Variants in TMEM176B observed in about 807,000 individuals in gnomAD.
TMEM176B encodes the protein transmembrane protein 176B.
TMEM176B carries 28 observed loss-of-function variants against 30.3 expected under a neutral mutation model. The ratio of observed to expected loss-of-function variants is 0.92; its 90% CI spans 0.68 to 1.27. The LOEUF (loss-of-function observed/expected upper bound fraction) is 1.27. TMEM176B is among the 50% of genes most tolerant of loss of function. The pLI, the probability that TMEM176B is intolerant of heterozygous loss-of-function variation, is 0.00. For missense variants in TMEM176B, 349 were observed against 327.4 expected, an observed-to-expected ratio of 1.07 and a Z score of -0.51; for synonymous variants, 123 against 130.3, an observed-to-expected ratio of 0.94 and a Z score of 0.38.
chr7:150,792,227 G>A (rs1448106627), intron 5 of TMEM176B, 52 bp from the exon 6 acceptor site: 3 of 1,601,818 alleles, frequency 1.9e-6, no homozygotes, highest in African/African-American at 2.7e-5. Flanking sequence ...CTCCAATGCT[G>A]CCCACATCAC....
intron 2 of TMEM176B, 21 bp downstream of exon 2, chr7:150,796,345 C>A (rs765119876): frequency 1.2e-6 from 2 of 1,611,774 alleles, no homozygotes; most frequent in East Asian, 2.2e-5. Flanking sequence ...GCCCCCCAAC[C>A]CCGCACCACC....
intron 2 of TMEM176B, among the ~76,000 whole-genome samples, chr7:150,794,509 G>A (rs1399849752): frequency 6.6e-6 from 1 of 151,984 alleles, no homozygotes; most frequent in African/African-American, 2.4e-5. Context: ...TTCAAGAAAG[G>A]GCTTGTTTGA....
rs528581977 is a variant in TMEM176B, at chr7:150,796,346, C to G, written c.204+20G>C. 1 of 1,612,370 alleles carries G rather than the reference C, an allele frequency of 6.2e-7. No individual in the cohort carries two copies. Among genetic ancestry groups the G allele is most frequent in the East Asian group, 2.2e-5 (1 of 44,862 alleles). ...CACCTCGTTAACGTGCCCCCCAACC[C>G]CGCACCACCCCAGTCTTACCCCTAG... On this transcript the variant is annotated intron_variant, in intron 2 of 6. Transcript: ENST00000326442.
chr7:150,800,859 C>CG (rs879652023), upstream of TMEM176B: 2,294 of 963,564 alleles, frequency 2.4e-3, 6 homozygotes, highest in Non-Finnish European at 2.7e-3. Flanking sequence ...CGGCGGCCCC[C>CG]GGGCCTCCTT....
At chr7:150,796,731 G>A (rs749133175) in intron 1 of TMEM176B, 157 bp from the exon 2 acceptor site, 2 of 716,308 alleles carry the variant, frequency 2.8e-6, no homozygotes, top group Non-Finnish European at 4.6e-6. Flanking sequence ...GGCTGAGGTG[G>A]GTGGATTACC....
At chr7:150,792,024 C>G (rs780087452) in intron 6 of TMEM176B, 32 bp downstream of exon 6, 3 of 1,611,878 alleles carry the variant, frequency 1.9e-6, no homozygotes, top group Non-Finnish European at 2.5e-6. Flanking sequence ...CCCAGACTCA[C>G]GCTGCCCAGA....
chr7:150,793,505 G>T (rs960829416), intron 4 of TMEM176B, 39 bp downstream of exon 4: 1 of 1,608,088 alleles, frequency 6.2e-7, no homozygotes, highest in Non-Finnish European at 8.5e-7. Context: ...TCAGGAGGGG[G>T]TCAGTGAACA....
At position 150,796,375 on chromosome 7, in the gene TMEM176B, C is replaced by T; in HGVS notation, c.195G>A (p.Leu65=). 1 of 1,614,202 alleles carries T rather than the reference C, an allele frequency of 6.2e-7. No homozygotes were observed. The highest frequency in any genetic ancestry group is 2.2e-5 in the East Asian group (1 of 44,880). The change falls in exon 2 of 7, where the codon CTG becomes CTA. Residue 65 remains leucine (L), a synonymous_variant. Transcript: ENST00000326442. ...PSTARIGYEQ[L]ALGVTQILLG... The stretch of plus-strand genomic sequence containing the variant: ...ACCACCCCAGTCTTACCCCTAGAGC[C>T]AGCTGCTCATAACCAATCCTGGCTG...
intron 2 of TMEM176B, among the ~76,000 whole-genome samples, chr7:150,795,732 G>A (rs888349542): frequency 4.6e-5 from 7 of 152,128 alleles, no homozygotes; most frequent in Admixed American, 6.5e-5. Context: ...AGAGGAGGTC[G>A]ATTCTTCCTT....
In TMEM176B at chr7:150,791,512, C is replaced by G. The variant is rs200950703; in HGVS notation, c.*19G>C. 3 of 1,610,766 alleles carry G rather than the reference C, an allele frequency of 1.9e-6. No homozygotes were observed. The East Asian group carries it at 6.7e-5, about 36-fold the overall frequency. ...CCCTAGACAGGGACATGCGGGCACCCCGTGGGGTCTTTGGCAGCTCACAGG... is the reference window on the plus strand; with the variant it reads ...CCCTAGACAGGGACATGCGGGCACCGCGTGGGGTCTTTGGCAGCTCACAGG... On this transcript the variant is annotated 3_prime_UTR_variant, in exon 7 of 7. Coordinates refer to ENST00000326442, the MANE Select transcript of TMEM176B (RefSeq NM_001101312.2).
chr7:150,800,242 GTGA>G (rs1157824643), intron 1 of TMEM176B, 53 bp downstream of exon 1: 1 of 152,346 alleles, frequency 6.6e-6, no homozygotes, highest in Admixed American at 6.5e-5. Context: ...GGGACTCCTC[GTGA>G]CAGAGGGTCC....
At chr7:150,800,586 C>T (rs1206565598), upstream of TMEM176B, 2 of 152,440 alleles carry the variant, frequency 1.3e-5, no homozygotes, top group Non-Finnish European at 2.9e-5. Context: ...GAGAACGACC[C>T]CACGGGCTTT....
At chr7:150,792,540 T>G (rs1363659222) in intron 5 of TMEM176B, among the ~76,000 whole-genome samples, 1 of 152,232 alleles carries the variant, frequency 6.6e-6, no homozygotes, top group Non-Finnish European at 1.5e-5. Context: ...ATCCAGTTTC[T>G]GTGCTATGAG....
rs368061587 is a variant in TMEM176B, at chr7:150,796,333, G to A, written c.204+33C>T. The A allele has an allele frequency of 2.9e-5, 46 of 1,593,132 alleles. No homozygotes were observed. In the South Asian group the frequency reaches 3.0e-4, roughly 10 times the overall value. On this transcript the variant is annotated intron_variant, in intron 2 of 6. Coordinates refer to ENST00000326442, the MANE Select transcript of TMEM176B (RefSeq NM_001101312.2). ...TAATTGACCTCATCACCTCGTTAAC[G>A]TGCCCCCCAACCCCGCACCACCCCA...
At position 150,797,021 on chromosome 7, in the gene TMEM176B, C is replaced by A. The variant is rs773296983; in HGVS notation, c.-5-447G>T. ...TCTTTGTCAAAATTCAAAGGGGCTT[C>A]CCAGTGCAGATATCAATGGCACTGG... On this transcript the variant is annotated intron_variant, in intron 1 of 6. Transcript: ENST00000326442. Among the ~76,000 whole-genome samples the A allele has an allele frequency of 2.0e-5, 3 of 152,090 alleles. No homozygotes were observed. In the East Asian group the frequency reaches 5.8e-4, roughly 29 times the overall value.
intron 2 of TMEM176B, among the ~76,000 whole-genome samples, chr7:150,796,094 A>G (rs1026984352): frequency 2.6e-5 from 4 of 152,154 alleles, no homozygotes; most frequent in African/African-American, 4.8e-5. Flanking sequence ...AGTTTTACTC[A>G]TGCCATCGCT....
intron 1 of TMEM176B, among the ~76,000 whole-genome samples, chr7:150,797,403 C>T (rs1213903263): frequency 1.3e-5 from 2 of 152,176 alleles, no homozygotes; most frequent in Non-Finnish European, 2.9e-5. Context: ...TGGAATAGGG[C>T]ATTGCAATGA....
At chr7:150,800,919 A>AC (rs1798757915), upstream of TMEM176B, 1 of 985,100 alleles carries the variant, frequency 1.0e-6, no homozygotes, top group East Asian at 1.1e-4. Context: ...CGTAGGAGGG[A>AC]CCCCCACCCA....
intron 2 of TMEM176B, among the ~76,000 whole-genome samples, chr7:150,794,907 C>CCACACACACACA (rs3220239): frequency 5.4e-4 from 76 of 141,592 alleles, no homozygotes; most frequent in Non-Finnish European, 9.3e-4. Flanking sequence ...TCCCCTACTA[C>CCACACACACACA]CACACACACA....
Sources: allele counts gnomAD v4.1 joint callset (sites outside exome capture counted in the v4.1 genomes callset), GRCh38; gene constraint gnomAD v4.1.1; transcripts MANE v1.5; gene names NCBI Gene and HGNC (gene_info 2026-07-23, HGNC 2026-07-21).